The following ATG10 variants were observed in gnomAD, a reference collection of about 807,000 sequenced individuals.
The protein encoded by ATG10 is ubiquitin-like-conjugating enzyme ATG10.
In ATG10, 30 loss-of-function variants were observed where a neutral mutation model predicts 32.1. That is an observed-to-expected ratio of 0.94 (90% CI 0.70 to 1.27). The LOEUF (loss-of-function observed/expected upper bound fraction) is 1.27. Among genes scored for constraint, ATG10 ranks in the 50% most tolerant of loss-of-function variants. The probability of loss-of-function intolerance (pLI) is 0.00; values close to 1 mark genes in which losing one functional copy is unlikely to be tolerated. For synonymous variants in ATG10, 87 were observed against 91.5 expected, an observed-to-expected ratio of 0.95 and a Z score of 0.28; for missense variants, 233 against 262.3, an observed-to-expected ratio of 0.89 and a Z score of 0.77.
intron 5 of ATG10, among the ~76,000 whole-genome samples, chr5:82,210,155 G>C (rs1234057726): frequency 6.6e-6 from 1 of 151,914 alleles, no homozygotes; most frequent in Non-Finnish European, 1.5e-5. Flanking sequence ...TTTTCTCTTG[G>C]GTTTTGGTCA....
intron 2 of ATG10, among the ~76,000 whole-genome samples, chr5:82,015,307 G>A (rs1320012028): frequency 6.6e-6 from 1 of 152,176 alleles, no homozygotes; most frequent in Non-Finnish European, 1.5e-5. Context: ...GATGTGTTGT[G>A]GAGTTGCTCT....
intron 2 of ATG10, among the ~76,000 whole-genome samples, chr5:82,044,366 A>T (rs562268530): frequency 9.9e-5 from 15 of 152,116 alleles, no homozygotes; most frequent in African/African-American, 3.4e-4. Context: ...CTAATTCAAC[A>T]TGAGATTTGG....
At chr5:81,981,578 A>G (rs1761049615) in intron 1 of ATG10, among the ~76,000 whole-genome samples, 1 of 152,250 alleles carries the variant, frequency 6.6e-6, no homozygotes, top group South Asian at 2.1e-4. Flanking sequence ...ACAAGTATTC[A>G]GGAAATTGCC....
chr5:82,016,105 T>A (rs1001796316), intron 2 of ATG10, among the ~76,000 whole-genome samples: 6 of 152,232 alleles, frequency 3.9e-5, no homozygotes, highest in African/African-American at 1.2e-4. Flanking sequence ...CGTCTATTTA[T>A]CTTTGTTTTT....
intron 3 of ATG10, among the ~76,000 whole-genome samples, chr5:82,161,696 A>AAC (rs60780834): frequency 0.069 from 9,007 of 129,680 alleles, 361 homozygotes; most frequent in Middle Eastern, 0.092. Flanking sequence ...TTAGAGAATA[A>AAC]ACACACACAC....
intron 2 of ATG10, among the ~76,000 whole-genome samples, chr5:82,015,878 G>A (rs777340271): frequency 9.2e-5 from 14 of 152,180 alleles, no homozygotes; most frequent in Non-Finnish European, 2.9e-5. Context: ...GAGGAGCTGC[G>A]TTCCTTTGGA....
At chr5:82,172,351 A>G (rs116486789) in intron 4 of ATG10, among the ~76,000 whole-genome samples, 35 of 152,278 alleles carry the variant, frequency 2.3e-4, no homozygotes, top group Admixed American at 1.5e-3. Flanking sequence ...TACTAACCTT[A>G]TGACCTTGGG....
intron 5 of ATG10, among the ~76,000 whole-genome samples, chr5:82,239,050 T>G (rs1746682052): frequency 6.6e-6 from 1 of 152,208 alleles, no homozygotes; most frequent in African/African-American, 2.4e-5. Context: ...AGGGTTATCC[T>G]AACCATCTCC....
intron 2 of ATG10, among the ~76,000 whole-genome samples, chr5:82,031,459 G>A (rs917920585): frequency 1.1e-4 from 17 of 152,210 alleles, no homozygotes; most frequent in Non-Finnish European, 2.2e-4. Context: ...CCACAGAGGT[G>A]AAGTGAGCCA....
At chr5:82,153,651 T>G (rs1487428655) in intron 3 of ATG10, among the ~76,000 whole-genome samples, 2 of 152,144 alleles carry the variant, frequency 1.3e-5, no homozygotes, top group Non-Finnish European at 2.9e-5. Flanking sequence ...TGGTTTACAC[T>G]TGAATGAAGC....
intron 2 of ATG10, among the ~76,000 whole-genome samples, chr5:82,010,253 C>A (rs948999410): frequency 2.0e-5 from 3 of 152,168 alleles, no homozygotes; most frequent in Non-Finnish European, 4.4e-5. Flanking sequence ...TATTTCACTT[C>A]CTTAATACAA....
chr5:82,157,289 G>T (rs1767839158), intron 3 of ATG10, among the ~76,000 whole-genome samples: 2 of 152,144 alleles, frequency 1.3e-5, no homozygotes, highest in African/African-American at 4.8e-5. Flanking sequence ...CTGGGAAGGG[G>T]AGAGCCTCAC....
chr5:82,045,273 C>T (rs2149732889), intron 2 of ATG10, among the ~76,000 whole-genome samples: 1 of 152,134 alleles, frequency 6.6e-6, no homozygotes, highest in Admixed American at 6.5e-5. Context: ...TTGAAGGATA[C>T]CCCATTTATG....
At chr5:82,018,116 G>A (rs1016125099) in intron 2 of ATG10, among the ~76,000 whole-genome samples, 3 of 152,098 alleles carry the variant, frequency 2.0e-5, no homozygotes, top group Non-Finnish European at 4.4e-5. Context: ...CTTAGATCCC[G>A]AAGCTAACAT....
chr5:82,097,930 G>C (rs540375640), intron 3 of ATG10, among the ~76,000 whole-genome samples: 5 of 152,170 alleles, frequency 3.3e-5, no homozygotes, highest in African/African-American at 1.2e-4. Context: ...AACAAAAAAC[G>C]AGCAATAAAC....
chr5:82,246,574 C>T (rs1747046235), intron 5 of ATG10, among the ~76,000 whole-genome samples: 1 of 151,206 alleles, frequency 6.6e-6, no homozygotes. Context: ...TAAAATACAG[C>T]AACTTTGTTC....
intron 5 of ATG10, among the ~76,000 whole-genome samples, chr5:82,251,829 G>A (rs1444976657): frequency 5.3e-5 from 8 of 152,014 alleles, no homozygotes; most frequent in Admixed American, 5.2e-4. Flanking sequence ...CCCTAACTTG[G>A]GTATGGTCTG....
At chr5:82,140,124 G>T (rs1767023250) in intron 3 of ATG10, among the ~76,000 whole-genome samples, 1 of 123,964 alleles carries the variant, frequency 8.1e-6, no homozygotes, top group East Asian at 2.6e-4. Context: ...GGGCGCCTCT[G>T]CCCGGCCGCC....
intron 3 of ATG10, among the ~76,000 whole-genome samples, chr5:82,096,696 T>A (rs1233893950): frequency 6.6e-6 from 1 of 152,146 alleles, no homozygotes; most frequent in Non-Finnish European, 1.5e-5. Context: ...TGGTGAGAAG[T>A]GTGAGCTAGA....
Sources: allele counts gnomAD v4.1 joint callset (sites outside exome capture counted in the v4.1 genomes callset), GRCh38; gene constraint gnomAD v4.1.1; transcripts MANE v1.5; gene names NCBI Gene and HGNC (gene_info 2026-07-23, HGNC 2026-07-21).